The following SEM1 variants were observed in gnomAD, a reference collection of about 807,000 sequenced individuals.
SEM1 encodes 26S proteasome complex subunit SEM1.
In SEM1, 3 loss-of-function variants were observed where a neutral mutation model predicts 12.7. That is an observed-to-expected ratio of 0.24 (90% CI 0.11 to 0.61). The LOEUF is 0.61. Among genes scored for constraint, SEM1 ranks in the 20% least tolerant of loss-of-function variants. The pLI is 0.88. For synonymous variants in SEM1, 30 were observed against 27.8 expected, an observed-to-expected ratio of 1.08 and a Z score of -0.25; for missense variants, 59 against 81.3, an observed-to-expected ratio of 0.73 and a Z score of 1.06.
intron 2 of SEM1, among the ~76,000 whole-genome samples, chr7:96,680,100 C>A (rs1401336810): frequency 1.3e-5 from 2 of 152,034 alleles, no homozygotes; most frequent in Non-Finnish European, 2.9e-5. Flanking sequence ...ACTCTGACTC[C>A]CCTCCCCTAG....
intron 2 of SEM1, among the ~76,000 whole-genome samples, chr7:96,652,100 G>T (rs959140724): frequency 6.6e-6 from 1 of 152,092 alleles, no homozygotes; most frequent in Non-Finnish European, 1.5e-5. Context: ...TGTCTGAAAA[G>T]ATAAAAATGT....
rs375310673 is a variant in SEM1, at chr7:96,604,993, A to AT, written c.170+89804dup. Among the ~76,000 whole-genome samples the AT allele has an allele frequency of 3.9e-3, 588 of 152,186 alleles. 3 individuals are homozygous for AT. Among genetic ancestry groups the AT allele is most frequent in the African/African-American group, 0.013 (556 of 41,528 alleles). On this transcript the variant is annotated intron_variant and NMD_transcript_variant, in intron 2 of 3. Coordinates refer to the SEM1 transcript ENST00000466986. ...AAGAATAGCTAGAATCAAATCCAAG[A>AT]TTGCCATGGTGAGGCTTAAGCAATT...
downstream of SEM1, among the ~76,000 whole-genome samples, chr7:96,686,960 C>T (rs1400866481): frequency 5.9e-5 from 9 of 152,250 alleles, no homozygotes; most frequent in African/African-American, 2.2e-4. Flanking sequence ...CAAACCCCAT[C>T]AAAAAGTGGG....
intron 2 of SEM1, among the ~76,000 whole-genome samples, chr7:96,601,177 T>C (rs774055551): frequency 2.6e-5 from 4 of 152,220 alleles, no homozygotes; most frequent in Non-Finnish European, 5.9e-5. Flanking sequence ...CAATTATCTA[T>C]TGGGCATGTG....
intron 2 of SEM1, among the ~76,000 whole-genome samples, chr7:96,533,525 C>T (rs1054538403): frequency 6.6e-6 from 1 of 152,032 alleles, no homozygotes; most frequent in Non-Finnish European, 1.5e-5. Context: ...TTCTTAGCTT[C>T]TCCATTCTAC....
chr7:96,518,140 C>T (rs927423861), intron 2 of SEM1, among the ~76,000 whole-genome samples: 2 of 152,206 alleles, frequency 1.3e-5, no homozygotes, highest in East Asian at 1.9e-4. Context: ...CTGCATAGAT[C>T]GTAGTAGTAA....
intron 2 of SEM1, among the ~76,000 whole-genome samples, chr7:96,632,808 A>G (rs1478655351): frequency 7.5e-6 from 1 of 132,810 alleles, no homozygotes; most frequent in Admixed American, 8.2e-5. Context: ...TTTGGCAGAC[A>G]GTTGTTAGAT....
chr7:96,615,239 ATCTT>A (rs1313523314), intron 2 of SEM1, among the ~76,000 whole-genome samples: 5 of 98,142 alleles, frequency 5.1e-5, no homozygotes, highest in East Asian at 3.7e-4. Context: ...TTTTTGAGTC[ATCTT>A]TTTTTTTTTT....
chr7:96,706,594 A>AAAAAAG (rs1563122448), intron 1 of SEM1, among the ~76,000 whole-genome samples: 21 of 123,500 alleles, frequency 1.7e-4, no homozygotes, highest in South Asian at 2.9e-4. Flanking sequence ...AAAAAAAAAA[A>AAAAAAG]AGAGAGAGAG....
At chr7:96,634,408 T>A (rs1000400985) in intron 2 of SEM1, among the ~76,000 whole-genome samples, 4 of 151,520 alleles carry the variant, frequency 2.6e-5, no homozygotes, top group Admixed American at 2.0e-4. Context: ...GTAGATAAAA[T>A]TCTAGCCTAT....
chr7:96,608,346 A>C (rs1319661691), intron 2 of SEM1, among the ~76,000 whole-genome samples: 1 of 151,820 alleles, frequency 6.6e-6, no homozygotes, highest in Non-Finnish European at 1.5e-5. Context: ...AGTGCTTCCC[A>C]CCTGTTGGCA....
At chr7:96,557,184 C>T (rs952298550) in intron 2 of SEM1, among the ~76,000 whole-genome samples, 27 of 151,534 alleles carry the variant, frequency 1.8e-4, no homozygotes, top group African/African-American at 6.3e-4. Flanking sequence ...GCCTTCTTCT[C>T]TCAGCTCGTC....
At chr7:96,693,346 C>A (rs1789984585) in intron 2 of SEM1, among the ~76,000 whole-genome samples, 1 of 151,918 alleles carries the variant, frequency 6.6e-6, no homozygotes, top group African/African-American at 2.4e-5. Context: ...AAAGTCTCTT[C>A]AACAAATGGT....
chr7:96,643,951 C>G (rs1484291086), intron 2 of SEM1, among the ~76,000 whole-genome samples: 1 of 152,120 alleles, frequency 6.6e-6, no homozygotes, highest in East Asian at 1.9e-4. Context: ...AAATCTCCAT[C>G]TAGAAGCCTG....
chr7:96,625,105 T>C (rs1304733254), intron 2 of SEM1, among the ~76,000 whole-genome samples: 1 of 152,142 alleles, frequency 6.6e-6, no homozygotes, highest in African/African-American at 2.4e-5. Flanking sequence ...TAAAGGAGGC[T>C]CAGGTGTGAT....
chr7:96,571,040 C>T (rs1182161583), intron 2 of SEM1, among the ~76,000 whole-genome samples: 1 of 151,490 alleles, frequency 6.6e-6, no homozygotes, highest in African/African-American at 2.4e-5. Flanking sequence ...TGTTTGCCCA[C>T]TTTTTGATGG....
chr7:96,606,865 A>G (rs1807396069), intron 2 of SEM1, among the ~76,000 whole-genome samples: 1 of 152,108 alleles, frequency 6.6e-6, no homozygotes, highest in African/African-American at 2.4e-5. Context: ...TTTTCTGCCT[A>G]CTCACATGTC....
intron 2 of SEM1, among the ~76,000 whole-genome samples, chr7:96,523,245 G>C (rs1459799948): frequency 6.6e-6 from 1 of 152,086 alleles, no homozygotes; most frequent in East Asian, 1.9e-4. Flanking sequence ...AACTTATTGA[G>C]ATCTAGAAAC....
At chr7:96,609,883 T>C (rs1807489753) in intron 2 of SEM1, among the ~76,000 whole-genome samples, 1 of 152,214 alleles carries the variant, frequency 6.6e-6, no homozygotes, top group Non-Finnish European at 1.5e-5. Context: ...TTGTTTTGTC[T>C]TGTTTCTCCT....
Sources: allele counts gnomAD v4.1 joint callset (sites outside exome capture counted in the v4.1 genomes callset), GRCh38; gene constraint gnomAD v4.1.1; transcripts MANE v1.5; gene names NCBI Gene and HGNC (gene_info 2026-07-23, HGNC 2026-07-21).